Variants in FER observed in about 807,000 individuals in gnomAD.
FER encodes the protein FER tyrosine kinase.
Under a neutral mutation model 111.0 loss-of-function variants are expected in FER, and 63 were observed. That is an observed-to-expected ratio of 0.57 (90% CI 0.46 to 0.70). The LOEUF is 0.70. Ranked by LOEUF, FER falls within the 30% of genes least tolerant of loss-of-function variation. FER has a pLI of 0.00. For synonymous variants in FER, 327 were observed against 313.9 expected (o/e 1.04, Z -0.44); for missense variants, 914 against 954.0 (o/e 0.96, Z 0.55).
chr5:108,986,158 TG>T (rs1252118040), intron 13 of FER, among the ~76,000 whole-genome samples: 6 of 152,216 alleles, frequency 3.9e-5, no homozygotes, highest in Admixed American at 1.3e-4. Flanking sequence ...TATCACATTG[TG>T]GTTTTGATTT....
chr5:109,021,782 G>A (rs1468774526), intron 13 of FER, among the ~76,000 whole-genome samples: 1 of 152,036 alleles, frequency 6.6e-6, no homozygotes, highest in Admixed American at 6.6e-5. Flanking sequence ...TATGAAACAT[G>A]ACGTTGTGAA....
At chr5:108,750,268 T>TAA (rs34250438) in intron 1 of FER, among the ~76,000 whole-genome samples, 61 of 147,488 alleles carry the variant, frequency 4.1e-4, no homozygotes, top group Non-Finnish European at 6.7e-4. Flanking sequence ...GAGAATAGGA[T>TAA]AAAAAAAAAA....
At chr5:108,902,833 G>T (rs1367928704) in intron 10 of FER, among the ~76,000 whole-genome samples, 1 of 152,018 alleles carries the variant, frequency 6.6e-6, no homozygotes. Context: ...GGTGAACTCT[G>T]TTGACTCACA....
intron 3 of FER, among the ~76,000 whole-genome samples, chr5:108,825,589 G>A (rs1034715640): frequency 2.6e-5 from 4 of 152,076 alleles, no homozygotes; most frequent in African/African-American, 4.8e-5. Context: ...TTATTACAGG[G>A]TCCTGGAAGG....
At chr5:108,962,853 A>T (rs534659364) in intron 13 of FER, among the ~76,000 whole-genome samples, 1 of 152,204 alleles carries the variant, frequency 6.6e-6, no homozygotes, top group African/African-American at 2.4e-5. Flanking sequence ...ACTGGTTAAG[A>T]GGCAGATCTG....
intron 5 of FER, among the ~76,000 whole-genome samples, chr5:108,840,097 T>C (rs567035748): frequency 1.1e-3 from 168 of 152,192 alleles, no homozygotes; most frequent in Non-Finnish European, 2.1e-3. Context: ...TTCTGCCACA[T>C]TGGCAGAATC....
At chr5:109,166,558 C>T (rs1756579596) in intron 17 of FER, among the ~76,000 whole-genome samples, 1 of 152,158 alleles carries the variant, frequency 6.6e-6, no homozygotes, top group African/African-American at 2.4e-5. Context: ...AATACCACCC[C>T]AAAGTATTTT....
chr5:108,842,184 T>G (rs927600211), intron 5 of FER: 8 of 154,736 alleles, frequency 5.2e-5, no homozygotes, highest in African/African-American at 1.9e-4. Context: ...GAAACATGAT[T>G]GATCATGAAT....
At chr5:108,857,029 C>G (rs1032421084) in intron 5 of FER, among the ~76,000 whole-genome samples, 1 of 151,892 alleles carries the variant, frequency 6.6e-6, no homozygotes, top group African/African-American at 2.4e-5. Flanking sequence ...CATTTCAGTC[C>G]TAGAGAAATG....
chr5:108,924,560 T>G (rs1310529239), intron 10 of FER: 20 of 1,210,860 alleles, frequency 1.7e-5, no homozygotes, highest in Non-Finnish European at 2.0e-5. Context: ...AGATCCAGAT[T>G]TGCACCTCTC....
intron 1 of FER, among the ~76,000 whole-genome samples, chr5:108,764,697 G>A (rs371024600): frequency 7.9e-5 from 12 of 152,228 alleles, no homozygotes; most frequent in African/African-American, 2.2e-4. Flanking sequence ...GCACCTGGCC[G>A]TGGAAACATA....
chr5:108,907,592 C>T (rs576403130), intron 10 of FER, among the ~76,000 whole-genome samples: 1 of 152,128 alleles, frequency 6.6e-6, no homozygotes, highest in East Asian at 1.9e-4. Context: ...TGGGCCCGGC[C>T]ACAGTTAACC....
At chr5:108,752,325 C>T (rs2149903145) in intron 1 of FER, among the ~76,000 whole-genome samples, 1 of 152,124 alleles carries the variant, frequency 6.6e-6, no homozygotes, top group South Asian at 2.1e-4. Flanking sequence ...AATGAAGTCA[C>T]TCATCATTCT....
chr5:109,081,422 G>A (rs776562907), intron 16 of FER, among the ~76,000 whole-genome samples: 8 of 151,894 alleles, frequency 5.3e-5, no homozygotes, highest in Non-Finnish European at 1.0e-4. Flanking sequence ...CTTTCATTAC[G>A]ATCTGAATTA....
chr5:108,915,865 G>A (rs920635003), intron 10 of FER, among the ~76,000 whole-genome samples: 1 of 152,070 alleles, frequency 6.6e-6, no homozygotes, highest in African/African-American at 2.4e-5. Context: ...AACAAAAAGG[G>A]AGTAGGAAAA....
intron 17 of FER, among the ~76,000 whole-genome samples, chr5:109,126,294 T>G (rs1317567934): frequency 1.3e-5 from 2 of 152,232 alleles, no homozygotes; most frequent in Non-Finnish European, 2.9e-5. Context: ...GCGGTTTGCA[T>G]GCTTGCTATA....
intron 9 of FER, among the ~76,000 whole-genome samples, chr5:108,894,819 C>T (rs1052652102): frequency 2.0e-5 from 3 of 152,046 alleles, no homozygotes; most frequent in East Asian, 1.9e-4. Context: ...TATGAAACCA[C>T]CAGATCTCAT....
rs1443749053 is a variant in FER, at chr5:109,193,523, G to A, written c.*5948G>A. ...CAAATATTACTGAGGCCAGCAAGATGCAAGTGTTCTACAAAATAATGAACT... is the reference window on the plus strand; with the variant it reads ...CAAATATTACTGAGGCCAGCAAGATACAAGTGTTCTACAAAATAATGAACT... On this transcript the variant is annotated 3_prime_UTR_variant, in exon 20 of 20. Transcript: ENST00000281092. The A allele has an allele frequency of 6.6e-6, 1 of 152,158 alleles. No homozygotes were observed. Among genetic ancestry groups the A allele is most frequent in the African/African-American group, 2.4e-5 (1 of 41,434 alleles). The allele number at this position is 152,158 out of a possible 1,614,324, so 9.4% of individuals were successfully genotyped here. A position where few individuals can be genotyped will look rare whatever the true frequency, so the allele number is the denominator to read the frequency against.
chr5:108,942,647 C>G (rs1430289113), intron 10 of FER, among the ~76,000 whole-genome samples: 1 of 151,970 alleles, frequency 6.6e-6, no homozygotes, highest in Non-Finnish European at 1.5e-5. Flanking sequence ...TTCATTGTGC[C>G]CAGCAAATCA....
Sources: gnomAD v4.1 joint callset for allele counts (sites outside exome capture counted in the v4.1 genomes callset) on GRCh38, gnomAD v4.1.1 for gene constraint, MANE v1.5 for transcripts, NCBI Gene and HGNC (gene_info 2026-07-23, HGNC 2026-07-21) for gene names.